DIP2A: variants seen among roughly 807,000 people sequenced by gnomAD.
DIP2A encodes the protein DIP2 acetate--CoA ligase A.
A neutral mutation model predicts 177.4 loss-of-function variants in DIP2A; 85 were observed. That is an observed-to-expected ratio of 0.48 (90% confidence interval 0.40 to 0.57). The LOEUF (loss-of-function observed/expected upper bound fraction) is 0.57, where lower values mean the gene tolerates loss of function less well. DIP2A is among the 20% of genes least tolerant of loss of function. DIP2A has a pLI of 0.00. For synonymous variants in DIP2A, 886 were observed against 881.8 expected (o/e 1.00, Z -0.08); for missense variants, 1,791 against 2,100.2 (o/e 0.85, Z 2.88).
intron 1 of DIP2A, among the ~76,000 whole-genome samples, chr21:46,461,673 T>C (rs750331028): frequency 9.9e-5 from 15 of 152,170 alleles, no homozygotes; most frequent in Non-Finnish European, 2.2e-4. Flanking sequence ...CTTAGAGATA[T>C]GTAGGGGATG....
chr21:46,508,950 C>T (rs889011340), intron 6 of DIP2A, among the ~76,000 whole-genome samples: 3 of 151,884 alleles, frequency 2.0e-5, no homozygotes, highest in African/African-American at 4.8e-5. Flanking sequence ...ACCCAGGAGG[C>T]GGAGATTGCA....
the DIP2A span, among the ~76,000 whole-genome samples, chr21:46,581,886 C>T: frequency 6.6e-6 from 1 of 152,174 alleles, no homozygotes; most frequent in African/African-American, 2.4e-5. Context: ...AGATTCCTGA[C>T]AACCCATGTT....
intron 1 of DIP2A, among the ~76,000 whole-genome samples, chr21:46,479,852 C>A (rs2148400922): frequency 6.6e-6 from 1 of 152,194 alleles, no homozygotes; most frequent in Non-Finnish European, 1.5e-5. Flanking sequence ...ATTTAAATTG[C>A]AGTCAGATAG....
At chr21:46,491,459 C>T (rs1203046699) in intron 3 of DIP2A, among the ~76,000 whole-genome samples, 1 of 152,022 alleles carries the variant, frequency 6.6e-6, no homozygotes, top group African/African-American at 2.4e-5. Context: ...AAGAAATATT[C>T]GAACAGATAA....
intron 13 of DIP2A, among the ~76,000 whole-genome samples, chr21:46,536,773 G>A (rs2059590491): frequency 6.6e-6 from 1 of 151,996 alleles, no homozygotes; most frequent in South Asian, 2.1e-4. Context: ...GCATGGCAGC[G>A]CATGCCTGTA....
downstream of DIP2A, among the ~76,000 whole-genome samples, chr21:46,574,098 A>G (rs947252569): frequency 6.6e-6 from 1 of 152,238 alleles, no homozygotes; most frequent in Non-Finnish European, 1.5e-5. Context: ...GATAGACAAC[A>G]TGTTAGGCCA....
intron 8 of DIP2A, among the ~76,000 whole-genome samples, chr21:46,526,397 C>CTTTT (rs1357295827): frequency 5.8e-5 from 8 of 138,992 alleles, no homozygotes; most frequent in African/African-American, 2.6e-5. Flanking sequence ...ACGTTCATTC[C>CTTTT]TTTTTTTTTT....
downstream of DIP2A, among the ~76,000 whole-genome samples, chr21:46,570,595 T>C (rs1398471713): frequency 2.0e-5 from 3 of 152,334 alleles, no homozygotes; most frequent in Non-Finnish European, 4.4e-5. Context: ...TTAGATGTTA[T>C]ATTTATGCAA....
At chr21:46,548,217 C>T (rs917309217) in intron 21 of DIP2A, among the ~76,000 whole-genome samples, 11 of 148,690 alleles carry the variant, frequency 7.4e-5, no homozygotes, top group South Asian at 4.2e-4. Context: ...TGTTTGTGTG[C>T]GCCTGCGTGC....
chr21:46,575,439 G>GA, the DIP2A span, among the ~76,000 whole-genome samples: 6 of 151,588 alleles, frequency 4.0e-5, no homozygotes, highest in Admixed American at 2.0e-4. Context: ...AATTAGGCAA[G>GA]AAAAAAAGGA....
At position 46,534,615 on chromosome 21, in the gene DIP2A, G is replaced by A; in HGVS notation, c.1570G>A (p.Gly524Arg). The change falls in exon 13 of 38, where the codon GGG becomes AGG. Residue 524 changes from glycine to arginine, a missense_variant. By Grantham distance (125) the Gly-to-Arg change is moderately radical. Transcript: ENST00000417564. ...AACCAGCAAAGAAGGCAGTACGGTGGGGGTCACAGTGTCCCACGCATCCCT... is the reference window on the plus strand; with the variant it reads ...AACCAGCAAAGAAGGCAGTACGGTGAGGGTCACAGTGTCCCACGCATCCCT... ...YKTSKEGSTV[G>R]VTVSHASLLA... 1.2e-6 allele frequency: 2 copies of A among 1,613,342 alleles called. No homozygotes were observed. Among genetic ancestry groups the A allele is most frequent in the Non-Finnish European group, 1.7e-6 (2 of 1,179,886 alleles).
intron 1 of DIP2A, among the ~76,000 whole-genome samples, chr21:46,478,888 C>T (rs2056132265): frequency 6.6e-6 from 1 of 151,978 alleles, no homozygotes; most frequent in South Asian, 2.1e-4. Flanking sequence ...CCATATGTGC[C>T]TAATTACTTC....
intron 1 of DIP2A, among the ~76,000 whole-genome samples, chr21:46,466,166 G>A (rs2054808941): frequency 6.6e-6 from 1 of 152,062 alleles, no homozygotes. Flanking sequence ...AATTAAATGT[G>A]TCAGCATTTG....
intron 6 of DIP2A, among the ~76,000 whole-genome samples, chr21:46,506,213 G>A (rs2057974168): frequency 6.6e-6 from 1 of 152,116 alleles, no homozygotes; most frequent in South Asian, 2.1e-4. Context: ...GCCATCCTGG[G>A]TTCAAGCGAT....
At chr21:46,505,930 T>C (rs776637078) in intron 6 of DIP2A, among the ~76,000 whole-genome samples, 1 of 152,232 alleles carries the variant, frequency 6.6e-6, no homozygotes, top group Non-Finnish European at 1.5e-5. Flanking sequence ...TAATATTTCA[T>C]TAAATGGATG....
Position 46,554,694 on chromosome 21 carries a change from G to T in DIP2A, c.3274G>T (p.Glu1092Ter). 1 of 1,566,866 alleles carries T rather than the reference G, an allele frequency of 6.4e-7. No homozygotes were observed. ...ACTGCCCACCGTCAAGATGATCGTG[G>T]AGGTGCGCCTACCTGGCCCGCGGGT... is the stretch of plus-strand genomic sequence containing the variant. ...TTLPTVKMIV[E>*]VSKSACVLTT... Residue 1092 changes from glutamate to a stop codon, truncating the protein, a stop_gained and splice_region_variant, in exon 27 of 38, where the codon GAG (glutamate) becomes TAG (stop). Transcript: ENST00000417564. LOFTEE classifies it high-confidence loss of function.
chr21:46,523,393 A>ATTTTTT (rs61370008), intron 8 of DIP2A, among the ~76,000 whole-genome samples: 268 of 89,788 alleles, frequency 3.0e-3, no homozygotes, highest in African/African-American at 3.6e-3. Flanking sequence ...CGCCTGGCTA[A>ATTTTTT]TTTTTTTTTT....
chr21:46,511,730 GATAA>G, intron 8 of DIP2A, 116 bp downstream of exon 8: 1 of 1,136,196 alleles, frequency 8.8e-7, no homozygotes, highest in African/African-American at 1.6e-5. Context: ...ACAGCTGGCA[GATAA>G]ATAGAACATT....
At chr21:46,487,659 T>C (rs1388835105) in intron 2 of DIP2A, among the ~76,000 whole-genome samples, 1 of 152,218 alleles carries the variant, frequency 6.6e-6, no homozygotes, top group African/African-American at 2.4e-5. Flanking sequence ...AAGGCAAATA[T>C]GCGGCTTTTC....
Sources: gnomAD v4.1 joint callset for allele counts (sites outside exome capture counted in the v4.1 genomes callset) on GRCh38, gnomAD v4.1.1 for gene constraint, MANE v1.5 for transcripts, NCBI Gene and HGNC (gene_info 2026-07-23, HGNC 2026-07-21) for gene names.